The following SMYD3 variants were observed in gnomAD, a reference collection of about 807,000 sequenced individuals.
SMYD3 encodes SET and MYND domain containing 3, also known as histone-lysine N-methyltransferase SMYD3.
A neutral mutation model predicts 57.7 loss-of-function variants in SMYD3; 36 were observed. The observed-to-expected ratio is 0.62, with a 90% CI of 0.48 to 0.82. SMYD3 has a LOEUF of 0.82. Among genes scored for constraint, SMYD3 ranks in the 40% least tolerant of loss-of-function variants. SMYD3 has a pLI of 0.00. For synonymous variants in SMYD3, 211 were observed against 195.0 expected (o/e 1.08, Z -0.68); for missense variants, 515 against 538.8 (o/e 0.96, Z 0.44).
chr1:246,165,574 AGTC>A lies in SMYD3; in HGVS notation c.531+161624_531+161626del, dbSNP rs113783690. Among the ~76,000 whole-genome samples the A allele has an allele frequency of 1.6e-3, 245 of 152,262 alleles. 1 individual carries two copies. The highest frequency in any genetic ancestry group is 5.5e-3 in the African/African-American group (228 of 41,542). On this transcript the variant is annotated intron_variant, in intron 5 of 11. Coordinates refer to ENST00000490107, the MANE Select transcript of SMYD3 (RefSeq NM_001167740.2). ...GGGTGAGGAGAGGTGAAGGGTTAAA[AGTC>A]GTCGAAACAATCTTCCACCTTATAG...
chr1:245,802,663 T>C (rs1410303285), intron 10 of SMYD3, among the ~76,000 whole-genome samples: 1 of 152,314 alleles, frequency 6.6e-6, no homozygotes, highest in African/African-American at 2.4e-5. Flanking sequence ...GGCTCCAGTT[T>C]CCAATGTTCC....
chr1:246,472,638 G>T (rs1227721715), intron 1 of SMYD3, among the ~76,000 whole-genome samples: 1 of 151,894 alleles, frequency 6.6e-6, no homozygotes, highest in Admixed American at 6.6e-5. Context: ...CAGCTACTGG[G>T]GAGGCTGATA....
intron 5 of SMYD3, among the ~76,000 whole-genome samples, chr1:246,119,475 T>C (rs2061392345): frequency 1.3e-5 from 2 of 150,470 alleles, no homozygotes; most frequent in South Asian, 4.2e-4. Flanking sequence ...TGTAGGGGCA[T>C]GATCTCTGCT....
intron 5 of SMYD3, among the ~76,000 whole-genome samples, chr1:246,286,076 T>C (rs1436845737): frequency 6.6e-6 from 1 of 152,160 alleles, no homozygotes; most frequent in African/African-American, 2.4e-5. Flanking sequence ...TGGAAAACAG[T>C]GTGGAGATTC....
intron 5 of SMYD3, among the ~76,000 whole-genome samples, chr1:245,967,400 C>T (rs2058183693): frequency 1.3e-5 from 2 of 152,298 alleles, no homozygotes; most frequent in Non-Finnish European, 1.5e-5. Context: ...GTAGACCTTC[C>T]TATCAACTCA....
Position 245,927,990 on chromosome 1 carries a change from C to A in SMYD3, c.643G>T (p.Val215Leu). 6.2e-7 allele frequency: 1 copy of A among 1,612,770 alleles called. No homozygotes were observed. Among genetic ancestry groups the A allele is most frequent in the South Asian group, 1.1e-5 (1 of 91,054 alleles). ...NHSCDPNCSI[V>L]FNGPHLLLRA... ...AGTAAGAGGTGGGGCCCATTGAACACAATCGAACAGTTGGGGTCACAGCTG... is the reference window on the plus strand; with the variant it reads ...AGTAAGAGGTGGGGCCCATTGAACAAAATCGAACAGTTGGGGTCACAGCTG... The change falls in exon 7 of 12, where the codon GTG becomes TTG. Residue 215 changes from valine (V) to leucine (L), a missense_variant. Val to Leu is a conservative substitution (Grantham distance 32). Coordinates refer to ENST00000490107, the MANE Select transcript of SMYD3 (RefSeq NM_001167740.2).
At chr1:246,253,570 C>T (rs1199274647) in intron 5 of SMYD3, among the ~76,000 whole-genome samples, 1 of 152,180 alleles carries the variant, frequency 6.6e-6, no homozygotes, top group Non-Finnish European at 1.5e-5. Flanking sequence ...AATAGTGCAG[C>T]AATGATTCTT....
intron 5 of SMYD3, among the ~76,000 whole-genome samples, chr1:246,057,199 G>A (rs2060166827): frequency 6.6e-6 from 1 of 152,160 alleles, no homozygotes; most frequent in Non-Finnish European, 1.5e-5. Flanking sequence ...GATGTGAAGT[G>A]CTTAACATAG....
At chr1:246,209,449 G>A (rs1049988496) in intron 5 of SMYD3, among the ~76,000 whole-genome samples, 1 of 151,692 alleles carries the variant, frequency 6.6e-6, no homozygotes, top group Non-Finnish European at 1.5e-5. Context: ...TAACAAGAGG[G>A]GGAAAAAAAG....
chr1:246,297,421 G>T (rs1207008526), intron 5 of SMYD3, among the ~76,000 whole-genome samples: 1 of 152,108 alleles, frequency 6.6e-6, no homozygotes, highest in Admixed American at 6.5e-5. Context: ...GGTAGTAGAG[G>T]CAGCAGCTAG....
At chr1:246,145,163 C>G (rs1294154728) in intron 5 of SMYD3, among the ~76,000 whole-genome samples, 1 of 152,132 alleles carries the variant, frequency 6.6e-6, no homozygotes, top group Non-Finnish European at 1.5e-5. Flanking sequence ...GTTACTGAGA[C>G]TACACATGCC....
chr1:246,022,015 C>T (rs1362863854), intron 5 of SMYD3, among the ~76,000 whole-genome samples: 1 of 152,226 alleles, frequency 6.6e-6, no homozygotes, highest in African/African-American at 2.4e-5. Context: ...TCGCTGGAAA[C>T]ATGAACATCC....
chr1:246,273,951 T>C (rs2148554002), intron 5 of SMYD3, among the ~76,000 whole-genome samples: 1 of 152,310 alleles, frequency 6.6e-6, no homozygotes, highest in Middle Eastern at 3.4e-3. Context: ...TCCTTCCTTC[T>C]GCTAGCTTTG....
At chr1:245,855,512 T>A (rs1392012881) in intron 10 of SMYD3, among the ~76,000 whole-genome samples, 2 of 152,220 alleles carry the variant, frequency 1.3e-5, no homozygotes, top group African/African-American at 4.8e-5. Flanking sequence ...ATGAAGTATT[T>A]TAAAATTATC....
At chr1:245,807,833 A>C (rs2048267946) in intron 10 of SMYD3, among the ~76,000 whole-genome samples, 1 of 150,300 alleles carries the variant, frequency 6.7e-6, no homozygotes, top group Non-Finnish European at 1.5e-5. Context: ...AAAAACAAAA[A>C]ACAAAAAAAC....
chr1:245,955,332 C>T (rs191748673), intron 5 of SMYD3, among the ~76,000 whole-genome samples: 9 of 152,250 alleles, frequency 5.9e-5, no homozygotes, highest in South Asian at 4.1e-4. Flanking sequence ...CCTGCCTTGG[C>T]GTCCCAGAGT....
At chr1:245,935,608 C>T (rs1057182172) in intron 5 of SMYD3, among the ~76,000 whole-genome samples, 13 of 152,176 alleles carry the variant, frequency 8.5e-5, no homozygotes, top group African/African-American at 3.1e-4. Context: ...CAGCATTTTT[C>T]ACATTAGCTA....
chr1:245,898,935 G>A (rs922608375), intron 8 of SMYD3, among the ~76,000 whole-genome samples: 2 of 152,184 alleles, frequency 1.3e-5, no homozygotes, highest in East Asian at 1.9e-4. Flanking sequence ...CCCTCAGAAG[G>A]TAAGTTTTAT....
intron 1 of SMYD3, among the ~76,000 whole-genome samples, chr1:246,405,452 C>G (rs2066846515): frequency 6.6e-6 from 1 of 152,134 alleles, no homozygotes; most frequent in South Asian, 2.1e-4. Context: ...AAACCGCCAC[C>G]AGCATGCTGA....
Sources: allele counts gnomAD v4.1 joint callset (sites outside exome capture counted in the v4.1 genomes callset), GRCh38; gene constraint gnomAD v4.1.1; transcripts MANE v1.5; gene names NCBI Gene and HGNC (gene_info 2026-07-23, HGNC 2026-07-21).